The following CACNA1A variants were observed in gnomAD, a reference collection of about 807,000 sequenced individuals.
The protein encoded by CACNA1A is calcium voltage-gated channel subunit alpha1 A.
Under a neutral mutation model 262.4 loss-of-function variants are expected in CACNA1A, and 57 were observed. The observed-to-expected ratio is 0.22, with a 90% confidence interval of 0.18 to 0.27. The LOEUF is 0.27. Ranked by LOEUF, CACNA1A falls within the 10% of genes least tolerant of loss-of-function variation. CACNA1A has a pLI of 1.00. For missense variants in CACNA1A, 2,526 were observed against 3,562.8 expected (o/e 0.71, Z 7.41); for synonymous variants, 1,431 against 1,419.3 (o/e 1.01, Z -0.18).
At position 13,365,456 on chromosome 19, in the gene CACNA1A, G is replaced by C. The variant is rs759320887; in HGVS notation, c.645C>G (p.Val215=). 2.5e-6 allele frequency: 4 copies of C among 1,613,558 alleles called. No homozygotes were observed. The highest frequency in any genetic ancestry group is 3.4e-6 in the Non-Finnish European group (4 of 1,179,756). ...TCATCGCCTTCATGATCGACTTCAGGACGACTTGTAAACCTGGGGGGACAC... is the reference window on the plus strand; with the variant it reads ...TCATCGCCTTCATGATCGACTTCAGCACGACTTGTAAACCTGGGGGGACAC... ...LVSGIPSLQV[V]LKSIMKAMIP... is the part of the protein sequence containing the mutation. Residue 215 remains valine (V), a synonymous_variant, in exon 5 of 47, where the codon GTC becomes GTG. Transcript: ENST00000360228.
intron 3 of CACNA1A, among the ~76,000 whole-genome samples, chr19:13,373,986 C>CGTGTT (rs2059365573): frequency 6.6e-6 from 1 of 152,154 alleles, no homozygotes; most frequent in African/African-American, 2.4e-5. Context: ...CACAGCAGGT[C>CGTGTT]GTGTTAACTA....
At chr19:13,399,577 C>T (rs189300540) in intron 3 of CACNA1A, among the ~76,000 whole-genome samples, 2 of 152,244 alleles carry the variant, frequency 1.3e-5, no homozygotes, top group East Asian at 1.9e-4. Context: ...CTAATGAGCA[C>T]GACCAGTTCT....
intron 19 of CACNA1A, among the ~76,000 whole-genome samples, chr19:13,288,475 T>G (rs1419229790): frequency 2.0e-5 from 3 of 152,134 alleles, no homozygotes; most frequent in Non-Finnish European, 2.9e-5. Flanking sequence ...TGGCCTACAG[T>G]GATCCACCCA....
chr19:13,247,940 C>T (rs927049575), intron 30 of CACNA1A, among the ~76,000 whole-genome samples: 5 of 152,110 alleles, frequency 3.3e-5, no homozygotes, highest in Non-Finnish European at 7.3e-5. Flanking sequence ...ATAAATACTC[C>T]AATTCCCTCC....
intron 30 of CACNA1A, among the ~76,000 whole-genome samples, chr19:13,245,973 T>G (rs1488022724): frequency 6.6e-6 from 1 of 152,154 alleles, no homozygotes; most frequent in Non-Finnish European, 1.5e-5. Context: ...CTCCCAGGTA[T>G]ACCCATTTTC....
At chr19:13,493,115 T>C (rs1289880982) in intron 1 of CACNA1A, among the ~76,000 whole-genome samples, 1 of 152,174 alleles carries the variant, frequency 6.6e-6, no homozygotes, top group African/African-American at 2.4e-5. Flanking sequence ...TATACACTCA[T>C]CTATATTTAC....
intron 3 of CACNA1A, among the ~76,000 whole-genome samples, chr19:13,414,479 G>T (rs1170176195): frequency 6.6e-6 from 1 of 152,114 alleles, no homozygotes; most frequent in African/African-American, 2.4e-5. Flanking sequence ...AGCAATAAGG[G>T]TTTAAAAACC....
In CACNA1A at chr19:13,376,834, TTA is replaced by T. The variant is rs1281132751; in HGVS notation, c.540-5057_540-5056del. On this transcript the variant is annotated intron_variant, in intron 3 of 46. Coordinates refer to ENST00000360228, the MANE Select transcript of CACNA1A (RefSeq NM_001127222.2). The stretch of plus-strand genomic sequence containing the variant: ...TGTTATGTGTGATATATAACACATG[TTA>T]TATGTGATATATAACACATATGTTA... Among the ~76,000 whole-genome samples, 7 of 144,006 alleles carry T rather than the reference TTA, an allele frequency of 4.9e-5. No homozygotes were observed. In the East Asian group the frequency reaches 8.0e-4, roughly 17 times the overall value. 94.5% of individuals were successfully genotyped at this position (144,006 alleles called of 152,430 possible).
chr19:13,235,557 A>G, intron 32 of CACNA1A, 57 bp downstream of exon 32: 1 of 1,194,372 alleles, frequency 8.4e-7, no homozygotes, highest in Admixed American at 1.7e-5. Flanking sequence ...ATTCAGCCAG[A>G]GCATGAGGGT....
chr19:13,304,865 C>T (rs2057869943), intron 15 of CACNA1A, among the ~76,000 whole-genome samples: 1 of 152,124 alleles, frequency 6.6e-6, no homozygotes, highest in Non-Finnish European at 1.5e-5. Context: ...TATAAGCCAC[C>T]CAGTGTGTGG....
chr19:13,300,737 G>T (rs2057769998), intron 17 of CACNA1A, 81 bp from the exon 18 acceptor site: 2 of 1,093,074 alleles, frequency 1.8e-6, no homozygotes, highest in African/African-American at 3.1e-5. Context: ...GCTGACCAGG[G>T]GCAACATTTG....
chr19:13,286,431 T>C, intron 20 of CACNA1A, 72 bp downstream of exon 20: 1 of 700,612 alleles, frequency 1.4e-6, no homozygotes, highest in Non-Finnish European at 2.3e-6. Context: ...CAGTCCAGGG[T>C]CACTCAGCAG....
chr19:13,380,721 A>C (rs2059508405), intron 3 of CACNA1A, among the ~76,000 whole-genome samples: 1 of 147,820 alleles, frequency 6.8e-6, no homozygotes, highest in Non-Finnish European at 1.5e-5. Flanking sequence ...AACAGGTAAA[A>C]TTCATTTATT....
At chr19:13,387,613 C>A (rs567484099) in intron 3 of CACNA1A, among the ~76,000 whole-genome samples, 7 of 152,130 alleles carry the variant, frequency 4.6e-5, no homozygotes, top group Non-Finnish European at 8.8e-5. Flanking sequence ...GAGGTCAATT[C>A]TCTGCTGGTT....
At chr19:13,485,148 G>T (rs1323715399) in intron 1 of CACNA1A, among the ~76,000 whole-genome samples, 9 of 152,162 alleles carry the variant, frequency 5.9e-5, no homozygotes, top group Admixed American at 5.2e-4. Flanking sequence ...ATTGGGGCAA[G>T]AATGGGCTTT....
At position 13,212,178 on chromosome 19, in the gene CACNA1A, G is replaced by C. The variant is rs781315895; in HGVS notation, c.6228C>G (p.Ser2076=). ...CCATGGGGAGGTAGTGCTCGCTGTC[G>C]GAGTAGCCATCTCTGCCCATCTCTC... ...EMREMGRDGY[S]DSEHYLPMEG... is the part of the protein sequence containing the mutation. Residue 2076 remains serine (S), a synonymous_variant, in exon 43 of 47, where the codon TCC becomes TCG. Transcript: ENST00000360228. This position sits in a 1 kb window ranked among gnomAD's most constrained non-coding sequence, Gnocchi z 5.6. The C allele has an allele frequency of 6.2e-7, 1 of 1,613,910 alleles. No homozygotes were observed. Among genetic ancestry groups the C allele is most frequent in the Non-Finnish European group, 8.5e-7 (1 of 1,179,798 alleles).
chr19:13,209,171 C>T, intron 45 of CACNA1A, 141 bp downstream of exon 45: 2 of 1,318,476 alleles, frequency 1.5e-6, no homozygotes, highest in Non-Finnish European at 1.0e-6. Flanking sequence ...CAGGTTCCTG[C>T]AGCTGCTGCC....
chr19:13,463,047 C>T (rs1411264727), intron 1 of CACNA1A, among the ~76,000 whole-genome samples: 2 of 151,948 alleles, frequency 1.3e-5, no homozygotes, highest in Non-Finnish European at 2.9e-5. Context: ...AGGTATGAGC[C>T]ACTGTGCCCA....
Position 13,214,386 on chromosome 19 carries a change from T to C in CACNA1A, c.5840-53A>G. On this transcript the variant is annotated intron_variant, in intron 39 of 46. Transcript: ENST00000360228. The surrounding 1 kb of genome is among the most constrained non-coding windows in gnomAD (Gnocchi z 4.1). ...CAAGGGCAGGCCTCTTTGGGGCCCT[T>C]GTCCTGGGTCCCTGTGTATACCAGC... 1.9e-6 allele frequency: 3 copies of C among 1,581,132 alleles called. No homozygotes were observed. Among genetic ancestry groups the C allele is most frequent in the Non-Finnish European group, 2.6e-6 (3 of 1,153,354 alleles).
Sources: allele counts gnomAD v4.1 joint callset (sites outside exome capture counted in the v4.1 genomes callset), GRCh38; gene constraint gnomAD v4.1.1; non-coding constraint Gnocchi (gnomAD v3.1); transcripts MANE v1.5; gene names NCBI Gene and HGNC (gene_info 2026-07-23, HGNC 2026-07-21).